AFDN: variants seen among roughly 807,000 people sequenced by gnomAD.
AFDN encodes the protein afadin, adherens junction formation factor.
In AFDN, 68 loss-of-function variants were observed where a neutral mutation model predicts 216.6. The observed-to-expected ratio is 0.31, with a 90% CI of 0.26 to 0.38. The LOEUF (loss-of-function observed/expected upper bound fraction) is 0.38. AFDN is among the 10% of genes least tolerant of loss of function. The pLI is 1.00. For synonymous variants in AFDN, 868 were observed against 853.7 expected, an observed-to-expected ratio of 1.02 and a Z score of -0.29; for missense variants, 2,136 against 2,342.0, an observed-to-expected ratio of 0.91 and a Z score of 1.82.
intron 7 of AFDN, 49 bp downstream of exon 7, chr6:167,889,375 AC>A: frequency 7.9e-7 from 1 of 1,271,220 alleles, no homozygotes; most frequent in Non-Finnish European, 1.1e-6. Context: ...TATGTGATAT[AC>A]CAGGTGTTCA....
chr6:167,921,299 A>G (rs1322755596), intron 21 of AFDN, among the ~76,000 whole-genome samples: 1 of 152,222 alleles, frequency 6.6e-6, no homozygotes, highest in Non-Finnish European at 1.5e-5. Context: ...GCTCTCTTAA[A>G]TGATTAATGT....
intron 27 of AFDN, among the ~76,000 whole-genome samples, chr6:167,947,338 C>T (rs539272570): frequency 6.6e-6 from 1 of 152,188 alleles, no homozygotes; most frequent in East Asian, 1.9e-4. Context: ...CACCACCACG[C>T]CCGGCTAATT....
chr6:167,898,521 C>G (rs908181329), intron 11 of AFDN, 54 bp downstream of exon 11: 10 of 1,496,106 alleles, frequency 6.7e-6, no homozygotes, highest in Admixed American at 6.4e-5. Flanking sequence ...TAAAGTAGTT[C>G]AGATTATTCA....
At chr6:167,943,018 G>A in intron 23 of AFDN, 111 bp from the exon 24 acceptor site, 1 of 699,568 alleles carries the variant, frequency 1.4e-6, no homozygotes. Context: ...GGACTTTGTT[G>A]CAGTTATCTG....
At chr6:167,827,811 C>T (rs919946364) in intron 1 of AFDN, 3 of 152,162 alleles carry the variant, frequency 2.0e-5, no homozygotes, top group African/African-American at 7.2e-5. Context: ...AGGAAAGGCG[C>T]GCCTTCTCCA....
chr6:167,891,122 G>T, intron 8 of AFDN, 93 bp downstream of exon 8: 1 of 1,028,608 alleles, frequency 9.7e-7, no homozygotes, highest in Non-Finnish European at 1.3e-6. Flanking sequence ...GTAGTCTTCT[G>T]TTGGCTGACT....
chr6:167,919,029 G>A (rs917451634), intron 21 of AFDN, 96 bp downstream of exon 21: 8 of 1,046,914 alleles, frequency 7.6e-6, no homozygotes, highest in South Asian at 6.9e-5. Flanking sequence ...ACTTGTGTGG[G>A]AGTGCACCCT....
intron 31 of AFDN, among the ~76,000 whole-genome samples, chr6:167,965,342 A>C (rs1797436244): frequency 6.6e-6 from 1 of 152,222 alleles, no homozygotes; most frequent in Non-Finnish European, 1.5e-5. Flanking sequence ...GCCTATTTTT[A>C]GTTTTGCATT....
intron 23 of AFDN, among the ~76,000 whole-genome samples, chr6:167,942,748 G>C (rs558553911): frequency 3.9e-5 from 6 of 152,038 alleles, no homozygotes; most frequent in Admixed American, 3.9e-4. Flanking sequence ...TAAACTATAC[G>C]TATGAAAAGA....
chr6:167,909,076 T>G (rs1167542506), intron 13 of AFDN, among the ~76,000 whole-genome samples: 1 of 152,168 alleles, frequency 6.6e-6, no homozygotes, highest in Non-Finnish European at 1.5e-5. Flanking sequence ...TCAGGTTCAC[T>G]TTATGAGATA....
chr6:167,891,096 T>A, intron 8 of AFDN, 67 bp downstream of exon 8: 1 of 1,294,860 alleles, frequency 7.7e-7, no homozygotes, highest in Non-Finnish European at 1.0e-6. Context: ...CTTTGTACTT[T>A]CTAATGCATC....
intron 4 of AFDN, 104 bp from the exon 5 acceptor site, chr6:167,875,231 A>C: frequency 2.0e-6 from 2 of 1,018,326 alleles, no homozygotes; most frequent in Non-Finnish European, 2.9e-6. Context: ...GTACAGATGT[A>C]GCCAAATAGC....
chr6:167,836,231 G>A (rs997707218), intron 1 of AFDN, among the ~76,000 whole-genome samples: 2 of 152,200 alleles, frequency 1.3e-5, no homozygotes, highest in African/African-American at 4.8e-5. Context: ...TATAGATCTT[G>A]TAGTTCAGGG....
chr6:167,912,360 A>C (rs568237072), intron 15 of AFDN, among the ~76,000 whole-genome samples: 1 of 152,236 alleles, frequency 6.6e-6, no homozygotes. Flanking sequence ...TATAATGTTA[A>C]TAACATAGAT....
chr6:167,946,299 C>G (rs922937935), intron 26 of AFDN, among the ~76,000 whole-genome samples: 2 of 152,180 alleles, frequency 1.3e-5, no homozygotes, highest in South Asian at 4.1e-4. Context: ...CAGAAGCGGC[C>G]GCCAGGAGCG....
chr6:167,865,368 AT>A (rs1359762956), intron 2 of AFDN, among the ~76,000 whole-genome samples: 1 of 152,174 alleles, frequency 6.6e-6, no homozygotes, highest in East Asian at 1.9e-4. Context: ...GCCATGGCTT[AT>A]GCCTGTAATC....
intron 1 of AFDN, among the ~76,000 whole-genome samples, chr6:167,835,414 A>G (rs1397178945): frequency 6.6e-6 from 1 of 152,250 alleles, no homozygotes; most frequent in Non-Finnish European, 1.5e-5. Flanking sequence ...GACTAATTCA[A>G]TTCACAACTT....
chr6:167,919,341 G>T (rs1791500385), intron 21 of AFDN, among the ~76,000 whole-genome samples: 1 of 152,280 alleles, frequency 6.6e-6, no homozygotes, highest in South Asian at 2.1e-4. Flanking sequence ...TTTGGAAGCA[G>T]ACTGCCTGCA....
chr6:167,946,746 G>C lies in AFDN; in HGVS notation c.3398G>C (p.Ser1133Thr). ...GGCTCAGGTAAACCCCGACCAAAGA[G>C]TGAAGGCTTTGAGCTCTATAATAAT... is the stretch of plus-strand genomic sequence containing the variant. ...RRGSGKPRPK[S>T]EGFELYNNST... Residue 1133 changes from serine to threonine, a missense_variant, in exon 27 of 34, where the codon AGT becomes ACT. Around this residue, in one of 8 missense-constraint regions of AFDN, gnomAD observed 981 missense variants for 966.0 expected, o/e 1.02. Transcript: ENST00000683244. 1 of 1,614,112 alleles carries C rather than the reference G, an allele frequency of 6.2e-7. No homozygotes were observed. Among genetic ancestry groups the C allele is most frequent in the Non-Finnish European group, 8.5e-7 (1 of 1,180,000 alleles).
Sources: allele counts gnomAD v4.1 joint callset (sites outside exome capture counted in the v4.1 genomes callset), GRCh38; gene constraint gnomAD v4.1.1; regional missense constraint gnomAD v4.1.1; transcripts MANE v1.5; gene names NCBI Gene and HGNC (gene_info 2026-07-23, HGNC 2026-07-21).